Variants in FAM200B observed in about 807,000 individuals in gnomAD.
FAM200B encodes zinc finger BED-type containing 11.
Under a neutral mutation model 33.1 loss-of-function variants are expected in FAM200B, and 32 were observed. That is an observed-to-expected ratio of 0.97 (90% CI 0.73 to 1.30). FAM200B has a LOEUF of 1.30. FAM200B is among the 50% of genes most tolerant of loss of function. The probability of loss-of-function intolerance (pLI) is 0.00; values close to 1 mark genes in which losing one functional copy is unlikely to be tolerated. For synonymous variants in FAM200B, 240 were observed against 264.8 expected (o/e 0.91, Z 0.91); for missense variants, 741 against 754.0 (o/e 0.98, Z 0.20).
At chr4:15,640,722 C>T in the FAM200B span, 3 of 866,428 alleles carry the variant, frequency 3.5e-6, no homozygotes, top group East Asian at 2.8e-5. Context: ...TTTGAAGAGT[C>T]TCTAAAGCAA....
intron 1 of FAM200B, among the ~76,000 whole-genome samples, chr4:15,685,824 GAAAC>G (rs1331622579): frequency 6.6e-6 from 1 of 152,166 alleles, no homozygotes; most frequent in Admixed American, 6.5e-5. Flanking sequence ...AGGAAGGGTT[GAAAC>G]TACTGTTATG....
chr4:15,680,797 G>A (rs1348675237), upstream of FAM200B, among the ~76,000 whole-genome samples: 1 of 151,748 alleles, frequency 6.6e-6, no homozygotes, highest in Non-Finnish European at 1.5e-5. Flanking sequence ...TTAAGTTTCA[G>A]AGTTGAAATT....
the FAM200B span, among the ~76,000 whole-genome samples, chr4:15,673,756 C>A: frequency 2.6e-5 from 4 of 152,186 alleles, no homozygotes; most frequent in Admixed American, 2.0e-4. Context: ...CTATGCAGCT[C>A]TCTCCCTTCT....
At chr4:15,660,606 C>G in the FAM200B span, among the ~76,000 whole-genome samples, 1 of 152,340 alleles carries the variant, frequency 6.6e-6, no homozygotes, top group East Asian at 1.9e-4. Flanking sequence ...GGGCAAATCA[C>G]TTGGCCATTC....
At chr4:15,654,879 G>A in the FAM200B span, among the ~76,000 whole-genome samples, 3 of 152,142 alleles carry the variant, frequency 2.0e-5, no homozygotes, top group African/African-American at 2.4e-5. Context: ...AGAGGCAGCA[G>A]CGGGAGTCCC....
At chr4:15,675,240 T>C in the FAM200B span, among the ~76,000 whole-genome samples, 1 of 152,236 alleles carries the variant, frequency 6.6e-6, no homozygotes, top group Non-Finnish European at 1.5e-5. Context: ...TAATTCATTT[T>C]CTTCAAATTA....
chr4:15,683,889 A>G (rs1266122089), intron 1 of FAM200B, among the ~76,000 whole-genome samples: 3 of 152,214 alleles, frequency 2.0e-5, no homozygotes, highest in Admixed American at 6.5e-5. Context: ...TCTCATATGC[A>G]TTGAGTAACT....
At chr4:15,681,555 C>T (rs1718276260), upstream of FAM200B, 1 of 154,352 alleles carries the variant, frequency 6.5e-6, no homozygotes, top group Admixed American at 6.5e-5. Flanking sequence ...GCGGTGTCTC[C>T]TAGGGTTTCT....
the FAM200B span, among the ~76,000 whole-genome samples, chr4:15,643,890 G>C: frequency 6.6e-6 from 1 of 152,172 alleles, no homozygotes; most frequent in Non-Finnish European, 1.5e-5. Context: ...ACAGCTTTCA[G>C]ACTTGGTGAG....
chr4:15,649,376 T>C, the FAM200B span, among the ~76,000 whole-genome samples: 13 of 151,974 alleles, frequency 8.6e-5, no homozygotes, highest in Admixed American at 8.5e-4. Flanking sequence ...TTAAGAGATC[T>C]AGGCCAACAT....
chr4:15,640,410 A>C, the FAM200B span, among the ~76,000 whole-genome samples: 34 of 146,682 alleles, frequency 2.3e-4, 1 homozygote, highest in East Asian at 1.2e-3. Context: ...AAAAAAAAAA[A>C]CATGAAAAAA....
At chr4:15,659,297 C>T in the FAM200B span, among the ~76,000 whole-genome samples, 2 of 152,148 alleles carry the variant, frequency 1.3e-5, no homozygotes, top group Non-Finnish European at 2.9e-5. Context: ...CCAAAATACT[C>T]CTGTTATTCA....
chr4:15,638,604 C>T, the FAM200B span: 1 of 1,613,410 alleles, frequency 6.2e-7, no homozygotes, highest in Non-Finnish European at 8.5e-7. Context: ...TCTGCAGTAT[C>T]CTTCTGAGAG....
chr4:15,638,407 C>T, the FAM200B span: 1 of 747,820 alleles, frequency 1.3e-6, no homozygotes, highest in Non-Finnish European at 2.0e-6. Flanking sequence ...ACAGTGCAGG[C>T]CTAACTTGAA....
chr4:15,647,739 T>C, the FAM200B span, among the ~76,000 whole-genome samples: 3 of 152,230 alleles, frequency 2.0e-5, no homozygotes, highest in Admixed American at 6.5e-5. Context: ...GCACTGACTC[T>C]AGGGCAAGAT....
chr4:15,688,880 A>G lies in FAM200B; in HGVS notation c.1903A>G (p.Met635Val), dbSNP rs182017004. Reference sequence around the variant, plus strand: ...AAATGGGCTGAATTGTGCAGCAGTTATGCGGGTAGCATTATCTTCCTGTGT... The same window carrying G: ...AAATGGGCTGAATTGTGCAGCAGTTGTGCGGGTAGCATTATCTTCCTGTGT... ...ERNGLNCAAVMRVALSSCVPD... is the reference protein window; with the variant it reads ...ERNGLNCAAVVRVALSSCVPD... Residue 635 changes from methionine (M) to valine (V), a missense_variant, in exon 2 of 2, where the codon ATG becomes GTG. Transcript: ENST00000422728. 1 of 1,549,934 alleles carries G rather than the reference A, an allele frequency of 6.5e-7. No individual in the cohort carries two copies. Among genetic ancestry groups the G allele is most frequent in the Non-Finnish European group, 8.7e-7 (1 of 1,146,168 alleles).
At chr4:15,642,962 A>G in the FAM200B span, among the ~76,000 whole-genome samples, 1 of 151,966 alleles carries the variant, frequency 6.6e-6, no homozygotes, top group Non-Finnish European at 1.5e-5. Context: ...CATTCTATCA[A>G]TTTTATTTCC....
In FAM200B at chr4:15,687,719, G is replaced by A. The variant is rs1719012592; in HGVS notation, c.742G>A (p.Ala248Thr). 1.9e-6 allele frequency: 3 copies of A among 1,550,882 alleles called. No homozygotes were observed. The highest frequency in any genetic ancestry group is 2.6e-6 in the Non-Finnish European group (3 of 1,146,670). ...CTTLLVYVRY[A>T]WQDDFLEDFL... The stretch of plus-strand genomic sequence containing the variant: ...AACACTTTTAGTTTATGTCAGATAT[G>A]CGTGGCAAGATGATTTTTTGGAGGA... Residue 248 changes from alanine (A) to threonine (T), a missense_variant, in exon 2 of 2, where the codon GCG becomes ACG. Coordinates refer to ENST00000422728, the MANE Select transcript of FAM200B (RefSeq NM_001145191.2).
At chr4:15,640,791 C>T in the FAM200B span, 1 of 1,502,812 alleles carries the variant, frequency 6.7e-7, no homozygotes, top group Non-Finnish European at 9.0e-7. Flanking sequence ...TGCTTACCTC[C>T]TCTTCCTCTT....
Sources: allele counts gnomAD v4.1 joint callset (sites outside exome capture counted in the v4.1 genomes callset), GRCh38; gene constraint gnomAD v4.1.1; transcripts MANE v1.5; gene names NCBI Gene and HGNC (gene_info 2026-07-23, HGNC 2026-07-21).